The following APBA2 variants were observed in gnomAD, a reference collection of about 807,000 sequenced individuals.
APBA2 encodes the protein amyloid-beta A4 precursor protein-binding family A member 2.
A neutral mutation model predicts 75.0 loss-of-function variants in APBA2; 30 were observed. The ratio of observed to expected loss-of-function variants is 0.40; its 90% confidence interval spans 0.30 to 0.54. The LOEUF (loss-of-function observed/expected upper bound fraction) is 0.54, where lower values mean the gene tolerates loss of function less well. Ranked by LOEUF, APBA2 falls within the 20% of genes least tolerant of loss-of-function variation. The pLI is 0.49. For synonymous variants in APBA2, 444 were observed against 409.6 expected (o/e 1.08, Z -1.01); for missense variants, 801 against 1,016.1 (o/e 0.79, Z 2.88).
At chr15:29,081,595 AT>A (rs1566984083) in intron 6 of APBA2, among the ~76,000 whole-genome samples, 1 of 152,186 alleles carries the variant, frequency 6.6e-6, no homozygotes, top group Non-Finnish European at 1.5e-5. Context: ...AGCCACTTAC[AT>A]TTCTTGTGAA....
chr15:29,063,976 G>A (rs146665668), intron 4 of APBA2, among the ~76,000 whole-genome samples: 2 of 152,042 alleles, frequency 1.3e-5, no homozygotes, highest in Non-Finnish European at 2.9e-5. Context: ...GTGCCCCCAC[G>A]CTGTCCCCTC....
intron 6 of APBA2, among the ~76,000 whole-genome samples, chr15:29,090,540 C>T (rs2043510168): frequency 1.3e-5 from 2 of 152,184 alleles, no homozygotes; most frequent in Non-Finnish European, 2.9e-5. Flanking sequence ...GGCTGGCCTC[C>T]CAGCCTCCCC....
At chr15:28,910,980 T>A (rs2033402985) in intron 1 of APBA2, among the ~76,000 whole-genome samples, 1 of 152,214 alleles carries the variant, frequency 6.6e-6, no homozygotes, top group African/African-American at 2.4e-5. Context: ...GGTCACTGAA[T>A]AATTTACATT....
chr15:29,008,879 G>C (rs2039263522), intron 3 of APBA2, among the ~76,000 whole-genome samples: 1 of 152,174 alleles, frequency 6.6e-6, no homozygotes, highest in African/African-American at 2.4e-5. Context: ...CTCTGACAAA[G>C]GTAATTGAAA....
chr15:29,003,435 C>T (rs955745450), intron 3 of APBA2, among the ~76,000 whole-genome samples: 2 of 152,214 alleles, frequency 1.3e-5, no homozygotes, highest in Non-Finnish European at 2.9e-5. Flanking sequence ...TTAGTCTAGA[C>T]TCTTGCTGTT....
At chr15:29,050,767 C>G (rs55942262) in intron 3 of APBA2, among the ~76,000 whole-genome samples, 2,052 of 152,278 alleles carry the variant, frequency 0.013, 28 homozygotes, top group East Asian at 0.033. Flanking sequence ...TTTATCCCCC[C>G]GAATGACAGA....
chr15:29,082,693 TCA>T (rs1315966348), intron 6 of APBA2, among the ~76,000 whole-genome samples: 2 of 152,334 alleles, frequency 1.3e-5, no homozygotes, highest in South Asian at 2.1e-4. Context: ...GTCAAATATA[TCA>T]GTCTTTTTCC....
chr15:28,989,742 C>G (rs1025214260), intron 2 of APBA2, among the ~76,000 whole-genome samples: 25 of 152,152 alleles, frequency 1.6e-4, no homozygotes, highest in Middle Eastern at 3.2e-3. Context: ...GCGGCCTTGG[C>G]GGGCTGTGTA....
Position 29,101,617 on chromosome 15 carries a change from G to A in APBA2, c.1357G>A (p.Ala453Thr), listed in dbSNP as rs2044128004. 10 of 1,613,376 alleles carry A rather than the reference G, an allele frequency of 6.2e-6. No individual in the cohort carries two copies. The highest frequency in any genetic ancestry group is 1.6e-4 in the Middle Eastern group (1 of 6,084). The change falls in exon 10 of 15, where the codon GCC becomes ACC. Residue 453 changes from alanine (A) to threonine (T), a missense_variant. Physicochemically the swap from Ala to Thr is moderately conservative, Grantham distance 58. This residue lies in a region of APBA2 where 367 missense variants were observed against 544.5 expected (regional missense o/e 0.67). Transcript: ENST00000683413. ...CCGACAGGAAACCATGATGGACCACGCCTTGCGTACCATCTCCTACATCGC... is the reference window on the plus strand; with the variant it reads ...CCGACAGGAAACCATGATGGACCACACCTTGCGTACCATCTCCTACATCGC... ...ADTQETMMDH[A>T]LRTISYIADI...
rs550347340 is a variant in APBA2 at position 29,026,758 on chromosome 15, A to AG, written c.-40-27086dup. On this transcript the variant is annotated intron_variant, in intron 3 of 14. Coordinates refer to ENST00000683413, the MANE Select transcript of APBA2 (RefSeq NM_001353788.2). ...GAAACCCCGTCTCTACTGAAAATAC[A>AG]GAAAAAAAAAAAATTAGCTGGGCAT... Among the ~76,000 whole-genome samples the AG allele has an allele frequency of 3.2e-3, 396 of 122,882 alleles. 1 individual carries two copies. The highest frequency in any genetic ancestry group is 0.018 in the African/African-American group (343 of 19,098). 80.6% of individuals were successfully genotyped at this position (122,882 alleles called of 152,430 possible).
chr15:29,000,326 G>A (rs964500067), intron 3 of APBA2, among the ~76,000 whole-genome samples: 2 of 152,172 alleles, frequency 1.3e-5, no homozygotes, highest in Non-Finnish European at 2.9e-5. Flanking sequence ...GGACTTTGAG[G>A]GGATGGGACT....
chr15:28,927,933 CG>C (rs1270107961), intron 2 of APBA2, among the ~76,000 whole-genome samples: 2 of 151,082 alleles, frequency 1.3e-5, no homozygotes, highest in Non-Finnish European at 3.0e-5. Context: ...CACCTGAGGT[CG>C]GGTGTTTGAG....
At chr15:29,057,885 C>G (rs755805944) in intron 4 of APBA2, among the ~76,000 whole-genome samples, 1 of 152,176 alleles carries the variant, frequency 6.6e-6, no homozygotes, top group East Asian at 1.9e-4. Flanking sequence ...CATTTCCCCT[C>G]GATGACCTTG....
At chr15:28,888,448 G>A (rs1031168896) in intron 1 of APBA2, among the ~76,000 whole-genome samples, 6 of 152,098 alleles carry the variant, frequency 3.9e-5, no homozygotes, top group African/African-American at 1.4e-4. Context: ...GGGAGAGTGG[G>A]GGTTGAGCCT....
intron 2 of APBA2, among the ~76,000 whole-genome samples, chr15:28,992,621 G>A (rs2038294797): frequency 6.6e-6 from 1 of 152,198 alleles, no homozygotes; most frequent in Admixed American, 6.5e-5. Context: ...GTTCTCTGTG[G>A]CTGAGTTCTG....
chr15:28,938,384 T>G (rs2152700067), intron 2 of APBA2, among the ~76,000 whole-genome samples: 1 of 152,368 alleles, frequency 6.6e-6, no homozygotes, highest in East Asian at 1.9e-4. Flanking sequence ...TGAATGAGAT[T>G]GGCACCATTC....
chr15:28,886,987 C>T (rs1340956354), intron 1 of APBA2, among the ~76,000 whole-genome samples: 1 of 152,224 alleles, frequency 6.6e-6, no homozygotes, highest in East Asian at 1.9e-4. Flanking sequence ...GCGCCATGGG[C>T]CGGGCAGCGG....
At position 28,944,642 on chromosome 15, in the gene APBA2, G is replaced by A. The variant is rs560071830; in HGVS notation, c.-95+22893G>A. Among the ~76,000 whole-genome samples, 7 of 152,350 alleles carry A rather than the reference G, an allele frequency of 4.6e-5. No individual in the cohort carries two copies. The East Asian group carries it at 1.2e-3, about 25-fold the overall frequency. The stretch of plus-strand genomic sequence containing the variant: ...TTTATAACCTGGTGTGCTGCTCGGC[G>A]TGCCGAAGGAACCAAGGCGATGTTG... On this transcript the variant is annotated intron_variant, in intron 2 of 14. Transcript: ENST00000683413.
chr15:29,025,817 G>C (rs1220454555), intron 3 of APBA2, among the ~76,000 whole-genome samples: 5 of 152,188 alleles, frequency 3.3e-5, no homozygotes, highest in African/African-American at 1.2e-4. Context: ...CAGGCGTGGT[G>C]GTGGGTGCCT....
Sources: allele counts gnomAD v4.1 joint callset (sites outside exome capture counted in the v4.1 genomes callset), GRCh38; gene constraint gnomAD v4.1.1; regional missense constraint gnomAD v4.1.1; transcripts MANE v1.5; gene names NCBI Gene and HGNC (gene_info 2026-07-23, HGNC 2026-07-21).